Variants in COL21A1 observed in about 807,000 individuals in gnomAD.
The protein encoded by COL21A1 is collagen type XXI alpha 1 chain, also known as collagen alpha-1(XXI) chain.
In COL21A1, 149 loss-of-function variants were observed where a neutral mutation model predicts 137.9. The observed-to-expected ratio is 1.08, with a 90% CI of 0.95 to 1.24. The LOEUF (loss-of-function observed/expected upper bound fraction) is 1.24. COL21A1 is among the 50% of genes most tolerant of loss of function. The probability of loss-of-function intolerance (pLI) is 0.00; values close to 1 mark genes in which losing one functional copy is unlikely to be tolerated. For synonymous variants in COL21A1, 456 were observed against 391.5 expected (o/e 1.16, Z -1.95); for missense variants, 1,167 against 1,158.4 (o/e 1.01, Z -0.11).
chr6:56,174,229 G>A (rs986237018), intron 3 of COL21A1, among the ~76,000 whole-genome samples: 1 of 151,494 alleles, frequency 6.6e-6, no homozygotes, highest in African/African-American at 2.4e-5. Context: ...AAAAGAAAAA[G>A]GATATCAAAT....
intron 1 of COL21A1, among the ~76,000 whole-genome samples, chr6:56,380,108 A>G (rs1401773119): frequency 2.0e-5 from 3 of 152,128 alleles, no homozygotes; most frequent in South Asian, 2.1e-4. Context: ...TTGGTGATGA[A>G]TTGGTGCAAC....
At chr6:56,382,501 G>A (rs2094010479) in intron 1 of COL21A1, among the ~76,000 whole-genome samples, 1 of 152,114 alleles carries the variant, frequency 6.6e-6, no homozygotes, top group Non-Finnish European at 1.5e-5. Flanking sequence ...AAATTCATAG[G>A]TTGAAGCCCT....
intron 1 of COL21A1, among the ~76,000 whole-genome samples, chr6:56,378,417 A>C (rs994002818): frequency 6.6e-6 from 1 of 152,146 alleles, no homozygotes; most frequent in Non-Finnish European, 1.5e-5. Flanking sequence ...TTGGACTTTA[A>C]GGGTACTTTG....
chr6:56,116,400 A>G (rs1221244751), intron 16 of COL21A1, among the ~76,000 whole-genome samples: 1 of 19,462 alleles, frequency 5.1e-5, no homozygotes, highest in African/African-American at 1.3e-4. Flanking sequence ...CAAAGGTAAA[A>G]AAAAAAAAAA....
intron 1 of COL21A1, among the ~76,000 whole-genome samples, chr6:56,225,330 A>G (rs1781119280): frequency 6.6e-6 from 1 of 152,000 alleles, no homozygotes; most frequent in South Asian, 2.1e-4. Flanking sequence ...TCATTCCAAC[A>G]CCTGCTGCTG....
At chr6:56,089,534 T>C (rs1205847284) in intron 17 of COL21A1, among the ~76,000 whole-genome samples, 1 of 152,178 alleles carries the variant, frequency 6.6e-6, no homozygotes, top group Non-Finnish European at 1.5e-5. Context: ...TTTCACTATA[T>C]GTATTGAAAA....
chr6:56,288,237 A>AT (rs199903908), intron 1 of COL21A1, among the ~76,000 whole-genome samples: 35 of 108,802 alleles, frequency 3.2e-4, no homozygotes, highest in South Asian at 1.5e-3. Flanking sequence ...AGCTTATTAC[A>AT]TTTTAAAAAA....
chr6:56,304,684 C>G (rs1386320415), intron 1 of COL21A1, among the ~76,000 whole-genome samples: 1 of 152,144 alleles, frequency 6.6e-6, no homozygotes. Context: ...AAAAAACCAG[C>G]TCCTGGATTC....
At chr6:56,346,686 A>T (rs939671975) in intron 1 of COL21A1, among the ~76,000 whole-genome samples, 7 of 152,208 alleles carry the variant, frequency 4.6e-5, no homozygotes, top group East Asian at 1.9e-4. Context: ...GGTGTAAAAC[A>T]GTGTGTACTG....
intron 1 of COL21A1, among the ~76,000 whole-genome samples, chr6:56,191,591 CAAA>C (rs70986783): frequency 8.3e-6 from 1 of 121,200 alleles, no homozygotes; most frequent in Non-Finnish European, 1.7e-5. Context: ...GACTCTATCT[CAAA>C]AAAAAAAAAA....
rs569932120 is a variant in COL21A1, at chr6:56,184,638, T to A, written c.-38-1982A>T. On this transcript the variant is annotated intron_variant, in intron 1 of 29. Coordinates refer to ENST00000244728, the MANE Select transcript of COL21A1 (RefSeq NM_030820.4). ...AGAAGACACATTGTTTTGTAATGCA[T>A]ATGAAACAGTCACCAAAAAGACAAT... Among the ~76,000 whole-genome samples the A allele has an allele frequency of 8.5e-5, 13 of 152,298 alleles. No homozygotes were observed. The South Asian group carries it at 2.7e-3, about 32-fold the overall frequency.
chr6:56,097,440 T>C (rs770228071), intron 17 of COL21A1, among the ~76,000 whole-genome samples: 1 of 151,888 alleles, frequency 6.6e-6, no homozygotes, highest in African/African-American at 2.4e-5. Context: ...TCTCCCCAAC[T>C]AGGCTGTAAG....
At chr6:56,267,390 A>G (rs2152331769) in intron 1 of COL21A1, among the ~76,000 whole-genome samples, 1 of 152,300 alleles carries the variant, frequency 6.6e-6, no homozygotes, top group Admixed American at 6.5e-5. Context: ...GAGCCCAGCA[A>G]CTTGAGAAAT....
intron 1 of COL21A1, among the ~76,000 whole-genome samples, chr6:56,255,900 T>C (rs1016854778): frequency 6.6e-6 from 1 of 152,154 alleles, no homozygotes. Context: ...ATGGGCTCCA[T>C]AGGGTTCTTC....
intron 10 of COL21A1, among the ~76,000 whole-genome samples, chr6:56,147,459 T>A (rs904046197): frequency 1.3e-5 from 2 of 151,802 alleles, no homozygotes; most frequent in Non-Finnish European, 2.9e-5. Context: ...GGTATATGAC[T>A]GAGTGAGGAA....
At chr6:56,364,392 A>G (rs1483586733) in intron 1 of COL21A1, among the ~76,000 whole-genome samples, 1 of 152,216 alleles carries the variant, frequency 6.6e-6, no homozygotes, top group Non-Finnish European at 1.5e-5. Flanking sequence ...ATGCTTTTTC[A>G]CAGATATTAT....
chr6:56,237,704 C>G (rs1253677890), intron 1 of COL21A1, among the ~76,000 whole-genome samples: 2 of 152,116 alleles, frequency 1.3e-5, no homozygotes, highest in African/African-American at 4.8e-5. Flanking sequence ...AAATTACACT[C>G]TCTACCTGAA....
intron 10 of COL21A1, among the ~76,000 whole-genome samples, chr6:56,150,921 T>C (rs1301152642): frequency 6.6e-6 from 1 of 152,136 alleles, no homozygotes; most frequent in Non-Finnish European, 1.5e-5. Flanking sequence ...GTAAAGTACT[T>C]TACTTCATAA....
chr6:56,335,574 A>T (rs576378646), intron 1 of COL21A1, among the ~76,000 whole-genome samples: 1 of 152,322 alleles, frequency 6.6e-6, no homozygotes, highest in South Asian at 2.1e-4. Context: ...ACTTCTAGTT[A>T]GCCTTCTTAC....
Sources: allele counts gnomAD v4.1 joint callset (sites outside exome capture counted in the v4.1 genomes callset), GRCh38; gene constraint gnomAD v4.1.1; transcripts MANE v1.5; gene names NCBI Gene and HGNC (gene_info 2026-07-23, HGNC 2026-07-21).